Variants in UGT2A1 observed in about 807,000 individuals in gnomAD.
The protein encoded by UGT2A1 is UDP glucuronosyltransferase family 2 member A1 complex locus, also known as UDP-glucuronosyltransferase 2A1.
In UGT2A1, 61 loss-of-function variants were observed where a neutral mutation model predicts 45.4. That is an observed-to-expected ratio of 1.34 (90% confidence interval 1.09 to 1.66). The LOEUF is 1.66. UGT2A1 is among the 40% of genes most tolerant of loss of function. UGT2A1 has a pLI of 0.00. For synonymous variants in UGT2A1, 229 were observed against 196.2 expected, an observed-to-expected ratio of 1.17 and a Z score of -1.40; for missense variants, 649 against 574.3, an observed-to-expected ratio of 1.13 and a Z score of -1.33.
Position 69,606,992 on chromosome 4 carries a change from C to T in UGT2A1, c.848-7598G>A, listed in dbSNP as rs1304980989. On this transcript the variant is annotated intron_variant, in intron 3 of 6. Transcript: ENST00000286604. ...CAATATCGAGAAAATGGCCATACTG[C>T]CCAAGGTCATTTATAGATTCAATGC... 2.9e-5 allele frequency among the ~76,000 whole-genome samples: 4 copies of T among 136,216 alleles called. 1 individual carries two copies. The highest frequency in any genetic ancestry group is 4.1e-4 in the East Asian group (2 of 4,852). 89.4% of individuals were successfully genotyped at this position (136,216 alleles called of 152,430 possible). A position where few individuals can be genotyped will look rare whatever the true frequency, so the allele number is the denominator to read the frequency against.
At chr4:69,590,566 G>C (rs184155269) in intron 6 of UGT2A1, among the ~76,000 whole-genome samples, 1 of 152,070 alleles carries the variant, frequency 6.6e-6, no homozygotes, top group African/African-American at 2.4e-5. Context: ...TGGGGAATGG[G>C]GAACATGGTC....
chr4:69,621,252 GA>G (rs1289821160), intron 3 of UGT2A1, among the ~76,000 whole-genome samples: 1 of 151,972 alleles, frequency 6.6e-6, no homozygotes, highest in Non-Finnish European at 1.5e-5. Context: ...GTATGCATCT[GA>G]CAAAGATCTA....
At chr4:69,638,316 T>A (rs1721835432) in intron 2 of UGT2A1, among the ~76,000 whole-genome samples, 1 of 152,070 alleles carries the variant, frequency 6.6e-6, no homozygotes, top group East Asian at 1.9e-4. Flanking sequence ...TTAACATTAT[T>A]GTGTTTGATT....
chr4:69,633,457 C>A (rs1577994371), intron 3 of UGT2A1, among the ~76,000 whole-genome samples: 1 of 152,260 alleles, frequency 6.6e-6, no homozygotes, highest in African/African-American at 2.4e-5. Flanking sequence ...ATATATCCAA[C>A]AGTATGGCAT....
intron 3 of UGT2A1, among the ~76,000 whole-genome samples, chr4:69,630,238 C>T (rs1052982654): frequency 6.6e-6 from 1 of 151,946 alleles, no homozygotes; most frequent in Non-Finnish European, 1.5e-5. Context: ...CAGTTGGCTA[C>T]GATTCATTTT....
chr4:69,614,710 A>G (rs909341033), intron 3 of UGT2A1, among the ~76,000 whole-genome samples: 4 of 152,088 alleles, frequency 2.6e-5, no homozygotes, highest in Admixed American at 2.6e-4. Context: ...CCAAATACAT[A>G]CATTGGGAAA....
intron 3 of UGT2A1, among the ~76,000 whole-genome samples, chr4:69,610,551 A>G (rs1013658887): frequency 2.0e-5 from 3 of 152,184 alleles, no homozygotes; most frequent in Non-Finnish European, 4.4e-5. Context: ...AATCAGTGTT[A>G]TGAATTGAAT....
chr4:69,648,520 G>C (rs1377031742), intron 1 of UGT2A1, among the ~76,000 whole-genome samples: 1 of 151,862 alleles, frequency 6.6e-6, no homozygotes, highest in Non-Finnish European at 1.5e-5. Context: ...TTAAGTCCTT[G>C]TTATGTCAGA....
At chr4:69,589,715 T>A in intron 6 of UGT2A1, 64 bp from the exon 7 acceptor site, 1 of 1,549,340 alleles carries the variant, frequency 6.5e-7, no homozygotes, top group East Asian at 2.3e-5. Context: ...TGAAGATAAA[T>A]ATGTGATACA....
chr4:69,616,210 A>T (rs1720369589), intron 3 of UGT2A1, among the ~76,000 whole-genome samples: 1 of 151,818 alleles, frequency 6.6e-6, no homozygotes, highest in African/African-American at 2.4e-5. Flanking sequence ...GAGTAGAGAG[A>T]TGGTTACCAG....
chr4:69,603,595 G>A lies in UGT2A1; in HGVS notation c.848-4201C>T, dbSNP rs535961861. 6 of 137,000 alleles carry A rather than the reference G, an allele frequency of 4.4e-5. No individual in the cohort carries two copies. The East Asian group carries it at 1.2e-3, about 28-fold the overall frequency. The allele number at this position is 137,000 out of a possible 1,614,324, so 8.5% of individuals were successfully genotyped here. ...TGACTTTGACGAGCTGAGAGAAGAA[G>A]GCTTCAAACGATCAAACTGCTCCGA... On this transcript the variant is annotated intron_variant, in intron 3 of 6. Coordinates refer to ENST00000286604, the MANE Select transcript of UGT2A1 (RefSeq NM_001252275.3).
intron 3 of UGT2A1, among the ~76,000 whole-genome samples, chr4:69,622,528 A>G (rs868084566): frequency 1.3e-5 from 2 of 151,844 alleles, no homozygotes; most frequent in South Asian, 4.2e-4. Flanking sequence ...TTTATGTGTT[A>G]TCTATATAAT....
intron 3 of UGT2A1, among the ~76,000 whole-genome samples, chr4:69,609,956 G>T (rs112335059): frequency 1.3e-5 from 2 of 152,194 alleles, no homozygotes; most frequent in African/African-American, 4.8e-5. Flanking sequence ...ATATGTGTTT[G>T]TATACATTTC....
At chr4:69,625,516 T>C (rs324309) in intron 3 of UGT2A1, among the ~76,000 whole-genome samples, 1 of 151,400 alleles carries the variant, frequency 6.6e-6, no homozygotes, top group Non-Finnish European at 1.5e-5. Flanking sequence ...AAATTCTTTT[T>C]TTCTATGCTG....
At chr4:69,624,282 A>T (rs1041458691) in intron 3 of UGT2A1, among the ~76,000 whole-genome samples, 10 of 151,494 alleles carry the variant, frequency 6.6e-5, no homozygotes, top group African/African-American at 1.7e-4. Context: ...ATCTAATATT[A>T]ATGCAGCCAC....
rs199638752 is a variant in UGT2A1 at position 69,626,152 on chromosome 4, A to AT, written c.847+9538dup. On this transcript the variant is annotated intron_variant, in intron 3 of 6. Transcript: ENST00000286604. ...ATTTTACCTTGTTGGATACTGGGCTATTTTTTTTTAATTCTGTTAAATATT... is the reference window on the plus strand; with the variant it reads ...ATTTTACCTTGTTGGATACTGGGCTATTTTTTTTTTAATTCTGTTAAATATT... 1.4e-3 allele frequency among the ~76,000 whole-genome samples: 216 copies of AT among 149,622 alleles called. 1 individual carries two copies. The highest frequency in any genetic ancestry group is 4.6e-4 in the Non-Finnish European group (31 of 66,980).
chr4:69,616,806 T>C (rs968690606), intron 3 of UGT2A1, among the ~76,000 whole-genome samples: 1 of 150,746 alleles, frequency 6.6e-6, no homozygotes, highest in African/African-American at 2.4e-5. Flanking sequence ...TAATGACACT[T>C]TCTAAATTTC....
chr4:69,598,953 C>T (rs1006237191), intron 4 of UGT2A1, among the ~76,000 whole-genome samples: 4 of 152,102 alleles, frequency 2.6e-5, no homozygotes, highest in Non-Finnish European at 4.4e-5. Context: ...CAGTATCCTT[C>T]GTAATTTCTA....
intron 3 of UGT2A1, among the ~76,000 whole-genome samples, chr4:69,613,577 C>A (rs1044499931): frequency 1.3e-5 from 2 of 151,900 alleles, no homozygotes; most frequent in Admixed American, 6.6e-5. Flanking sequence ...AACATCTTAA[C>A]AAAAATTTAG....
Sources: allele counts gnomAD v4.1 joint callset (sites outside exome capture counted in the v4.1 genomes callset), GRCh38; gene constraint gnomAD v4.1.1; transcripts MANE v1.5; gene names NCBI Gene and HGNC (gene_info 2026-07-23, HGNC 2026-07-21).